Variants in VPS13A observed in about 807,000 individuals in gnomAD.
VPS13A encodes the protein intermembrane lipid transfer protein VPS13A.
Under a neutral mutation model 390.9 loss-of-function variants are expected in VPS13A, and 264 were observed. That is an observed-to-expected ratio of 0.68 (90% CI 0.61 to 0.75). The LOEUF (loss-of-function observed/expected upper bound fraction) is 0.75, where lower values mean the gene tolerates loss of function less well. Among genes scored for constraint, VPS13A ranks in the 30% least tolerant of loss-of-function variants. The probability of loss-of-function intolerance (pLI) is 0.00; values close to 1 mark genes in which losing one functional copy is unlikely to be tolerated. For synonymous variants in VPS13A, 1,231 were observed against 1,227.1 expected, an observed-to-expected ratio of 1.00 and a Z score of -0.07; for missense variants, 3,409 against 3,733.9, an observed-to-expected ratio of 0.91 and a Z score of 2.27.
intron 68 of VPS13A, chr9:77,384,999 TA>T (rs1833620221): frequency 9.4e-7 from 1 of 1,064,386 alleles, no homozygotes; most frequent in Admixed American, 4.9e-5. Flanking sequence ...GGTTTTATTT[TA>T]AATTGCCTTC....
chr9:77,337,179 T>C, intron 46 of VPS13A, 76 bp from the exon 47 acceptor site: 1 of 1,378,318 alleles, frequency 7.3e-7, no homozygotes, highest in South Asian at 1.3e-5. Flanking sequence ...AAGTTTGTTA[T>C]TCTAAAGCTG....
chr9:77,385,476 A>G (rs879459988), intron 68 of VPS13A, among the ~76,000 whole-genome samples: 2 of 152,014 alleles, frequency 1.3e-5, no homozygotes, highest in African/African-American at 2.4e-5. Context: ...GGAAACTTCT[A>G]TCGTAAACAT....
chr9:77,300,041 A>G (rs1306187054), intron 33 of VPS13A, among the ~76,000 whole-genome samples: 1 of 152,190 alleles, frequency 6.6e-6, no homozygotes, highest in Non-Finnish European at 1.5e-5. Flanking sequence ...ATGTGTAACA[A>G]TGTAACAAAC....
chr9:77,409,686 A>T (rs953826812), intron 71 of VPS13A, among the ~76,000 whole-genome samples: 2 of 151,226 alleles, frequency 1.3e-5, no homozygotes, highest in Non-Finnish European at 2.9e-5. Context: ...ATCAACTGGA[A>T]GAAAGGGTAT....
rs193151601 is a variant in VPS13A at position 77,400,685 on chromosome 9, G to A, written c.9190-2551G>A. Among the ~76,000 whole-genome samples, 760 of 151,830 alleles carry A rather than the reference G, an allele frequency of 5.0e-3. 6 individuals carry two copies. Among genetic ancestry groups the A allele is most frequent in the African/African-American group, 0.017 (694 of 41,380 alleles). On this transcript the variant is annotated intron_variant, in intron 68 of 71. Coordinates refer to ENST00000360280, the MANE Select transcript of VPS13A (RefSeq NM_033305.3). Reference sequence around the variant, plus strand: ...TAAAAATACAAAAAAAAAATTAGCCGGGCGTGGTGATGGGTGCCTGTAGTC... The same window carrying A: ...TAAAAATACAAAAAAAAAATTAGCCAGGCGTGGTGATGGGTGCCTGTAGTC...
intron 54 of VPS13A, among the ~76,000 whole-genome samples, chr9:77,354,034 T>G (rs1287273799): frequency 6.6e-6 from 1 of 152,110 alleles, no homozygotes; most frequent in Non-Finnish European, 1.5e-5. Flanking sequence ...CTTGGCACTT[T>G]AAGATCTAAT....
intron 67 of VPS13A, 74 bp from the exon 68 acceptor site, chr9:77,381,902 G>GT: frequency 1.1e-6 from 1 of 922,314 alleles, no homozygotes; most frequent in Non-Finnish European, 1.7e-6. Flanking sequence ...ATTGTTTTTA[G>GT]TAATTGCATT....
chr9:77,184,666 C>T (rs1243885875), intron 1 of VPS13A, among the ~76,000 whole-genome samples: 1 of 152,018 alleles, frequency 6.6e-6, no homozygotes, highest in Non-Finnish European at 1.5e-5. Context: ...ATGTTTTTTT[C>T]TGCATCTATT....
In VPS13A at chr9:77,370,460, A is replaced by AGGG; in HGVS notation, c.8792_8794dup (p.Gly2931dup). 1 of 1,614,174 alleles carries AGGG rather than the reference A, an allele frequency of 6.2e-7. No homozygotes were observed. The highest frequency in any genetic ancestry group is 1.3e-5 in the African/African-American group (1 of 75,034). On this transcript the variant is annotated inframe_insertion, in exon 65 of 72. Transcript: ENST00000360280. ...TCCAAAATCACCGGTGCTATGGCTA[A>AGGG]GGGGGTAGCAGCTATGACCATGGAT... is the stretch of plus-strand genomic sequence containing the variant.
Position 77,219,962 on chromosome 9 carries a change from C to G in VPS13A, c.763C>G (p.Pro255Ala), listed in dbSNP as rs754598078. 2 of 1,613,438 alleles carry G rather than the reference C, an allele frequency of 1.2e-6. No homozygotes were observed. The highest frequency in any genetic ancestry group is 2.2e-5 in the South Asian group (2 of 91,054). ...VPEGYDFVFR[P>A]ISANAKLVMN... ...TTTTTATTATTTTTCAGTATTTCGT[C>G]CCATATCTGCTAATGCCAAACTTGT... Residue 255 changes from proline (P) to alanine (A), a missense_variant, in exon 11 of 72, where the codon CCC (proline) becomes GCC (alanine). Coordinates refer to ENST00000360280, the MANE Select transcript of VPS13A (RefSeq NM_033305.3).
intron 16 of VPS13A, 40 bp from the exon 17 acceptor site, chr9:77,228,082 A>G (rs755270796): frequency 7.2e-7 from 1 of 1,393,162 alleles, no homozygotes; most frequent in Non-Finnish European, 9.9e-7. Flanking sequence ...GCTTATATAT[A>G]TATATATGTT....
In VPS13A at chr9:77,357,784, A is replaced by G. The variant is rs2131556585; in HGVS notation, c.7899A>G (p.Glu2633=). The G allele has an allele frequency of 6.2e-7, 1 of 1,613,854 alleles. No homozygotes were observed. Among genetic ancestry groups the G allele is most frequent in the Admixed American group, 1.7e-5 (1 of 59,998 alleles). The part of the protein sequence containing the change: ...RRNYLPALKV[E]YNTSAHQSSF... ...ATTATCTTCCAGCATTAAAAGTGGA[A>G]TATAACACATCTGCACATCAATCAT... Residue 2633 remains glutamate (E), a synonymous_variant, in exon 56 of 72, where the codon GAA becomes GAG. Transcript: ENST00000360280.
intron 27 of VPS13A, among the ~76,000 whole-genome samples, chr9:77,281,396 G>T (rs1321741718): frequency 6.6e-6 from 1 of 151,912 alleles, no homozygotes; most frequent in Non-Finnish European, 1.5e-5. Context: ...ACATCACATT[G>T]TCCTCCATAA....
chr9:77,215,450 T>G (rs979623210), intron 10 of VPS13A, among the ~76,000 whole-genome samples: 65 of 152,376 alleles, frequency 4.3e-4, no homozygotes, highest in African/African-American at 1.5e-3. Context: ...TTATCTGTCA[T>G]ATGTGTTTAT....
At chr9:77,404,458 C>A (rs2131650122) in intron 69 of VPS13A, among the ~76,000 whole-genome samples, 1 of 152,238 alleles carries the variant, frequency 6.6e-6, no homozygotes, top group Admixed American at 6.5e-5. Context: ...TGTTTCTAGA[C>A]TTTTGTAATT....
chr9:77,272,760 C>G (rs1308125409), intron 23 of VPS13A, among the ~76,000 whole-genome samples: 2 of 152,082 alleles, frequency 1.3e-5, no homozygotes, highest in Non-Finnish European at 2.9e-5. Flanking sequence ...GCTTCTAGGT[C>G]AGGATGTGGT....
chr9:77,209,401 A>G lies in VPS13A; in HGVS notation c.386-22A>G, dbSNP rs191322820. ...AGTATATTTTTCATTCAATTTTAAA[A>G]AAGGAATATTTGCAATTGTAGAACA... is the stretch of plus-strand genomic sequence containing the variant. On this transcript the variant is annotated intron_variant, in intron 5 of 71. Transcript: ENST00000360280. 4 of 1,529,326 alleles carry G rather than the reference A, an allele frequency of 2.6e-6. No homozygotes were observed. The East Asian group carries it at 9.1e-5, about 35-fold the overall frequency. The allele number at this position is 1,529,326 out of a possible 1,614,324, so 94.7% of individuals were successfully genotyped here.
At chr9:77,179,844 C>T (rs1159751665) in intron 1 of VPS13A, among the ~76,000 whole-genome samples, 1 of 152,112 alleles carries the variant, frequency 6.6e-6, no homozygotes, top group East Asian at 1.9e-4. Flanking sequence ...ATCGTATGTC[C>T]ATTAGGAGTG....
At chr9:77,248,188 C>G (rs1375681603) in intron 20 of VPS13A, among the ~76,000 whole-genome samples, 1 of 151,054 alleles carries the variant, frequency 6.6e-6, no homozygotes, top group African/African-American at 2.4e-5. Context: ...TGGCCTTCTT[C>G]TGTTTACCTA....
Sources: allele counts gnomAD v4.1 joint callset (sites outside exome capture counted in the v4.1 genomes callset), GRCh38; gene constraint gnomAD v4.1.1; transcripts MANE v1.5; gene names NCBI Gene and HGNC (gene_info 2026-07-23, HGNC 2026-07-21).